ADAM2: variants seen among roughly 807,000 people sequenced by gnomAD.
The protein encoded by ADAM2 is ADAM metallopeptidase domain 2.
ADAM2 carries 101 observed loss-of-function variants against 99.3 expected under a neutral mutation model. That is an observed-to-expected ratio of 1.02 (90% CI 0.87 to 1.20). The LOEUF (loss-of-function observed/expected upper bound fraction) is 1.20. ADAM2 is among the 50% of genes most tolerant of loss of function. The probability of loss-of-function intolerance (pLI) is 0.00; values close to 1 mark genes in which losing one functional copy is unlikely to be tolerated. For synonymous variants in ADAM2, 323 were observed against 287.6 expected, an observed-to-expected ratio of 1.12 and a Z score of -1.25; for missense variants, 948 against 878.7, an observed-to-expected ratio of 1.08 and a Z score of -1.00.
intron 6 of ADAM2, among the ~76,000 whole-genome samples, chr8:39,812,435 C>A (rs563680174): frequency 2.6e-5 from 4 of 152,270 alleles, no homozygotes; most frequent in African/African-American, 9.6e-5. Flanking sequence ...CTTTAAAGTT[C>A]ATATGGAACC....
At chr8:39,823,989 A>T (rs1204045182) in intron 4 of ADAM2, among the ~76,000 whole-genome samples, 1 of 152,222 alleles carries the variant, frequency 6.6e-6, no homozygotes, top group Non-Finnish European at 1.5e-5. Flanking sequence ...AGGTTAAAAA[A>T]CAAAAGAACA....
intron 2 of ADAM2, 45 bp downstream of exon 2, chr8:39,837,091 C>T (rs13255763): frequency 0.25 from 363,130 of 1,466,514 alleles, 46,860 homozygotes; most frequent in Middle Eastern, 0.3. Flanking sequence ...GAAACAAAAT[C>T]TTTACATCAT....
chr8:39,785,886 A>G (rs1252520099), intron 10 of ADAM2, among the ~76,000 whole-genome samples: 2 of 152,128 alleles, frequency 1.3e-5, no homozygotes, highest in Non-Finnish European at 2.9e-5. Context: ...AGCATTATTT[A>G]CAATAACAAA....
At chr8:39,808,848 G>A (rs191325754) in intron 7 of ADAM2, among the ~76,000 whole-genome samples, 14 of 152,206 alleles carry the variant, frequency 9.2e-5, no homozygotes, top group East Asian at 5.8e-4. Flanking sequence ...CCCATGAAGC[G>A]GAGTTTGCAG....
intron 18 of ADAM2, among the ~76,000 whole-genome samples, chr8:39,748,245 A>C (rs1458867172): frequency 6.6e-6 from 1 of 152,216 alleles, no homozygotes; most frequent in Non-Finnish European, 1.5e-5. Context: ...CGAGAGTCCT[A>C]GAATGTTAGT....
rs369360647 is a variant in ADAM2 at position 39,748,489 on chromosome 8, T to A, written c.2014+823A>T. ...TAACATTAAATATAATATTTCCAGA[T>A]ACTGGAATTAATAACTACCTATGAC... On this transcript the variant is annotated intron_variant, in intron 18 of 20. Transcript: ENST00000265708. Among the ~76,000 whole-genome samples, 124 of 152,328 alleles carry A rather than the reference T, an allele frequency of 8.1e-4. 1 individual carries two copies. Among genetic ancestry groups the A allele is most frequent in the African/African-American group, 2.9e-3 (120 of 41,590 alleles).
At position 39,788,157 on chromosome 8, in the gene ADAM2, A is replaced by G. The variant is rs200651169; in HGVS notation, c.737T>C (p.Leu246Ser). The G allele has an allele frequency of 8.4e-5, 133 of 1,588,290 alleles. No homozygotes were observed. The highest frequency in any genetic ancestry group is 8.7e-5 in the Non-Finnish European group (101 of 1,166,394). Reference sequence around the variant, plus strand: ...TTTCCATCTTAAAAATGTGTGTAATAACTCATTAGCTTCTCCAGTGGTTGC... The same window carrying G: ...TTTCCATCTTAAAAATGTGTGTAATGACTCATTAGCTTCTCCAGTGGTTGC... ...KIATTGEANE[L>S]LHTFLRWKTS... is the part of the protein sequence containing the mutation. Residue 246 changes from leucine (L) to serine (S), a missense_variant, in exon 9 of 21, where the codon TTA (leucine) becomes TCA (serine). Coordinates refer to ENST00000265708, the MANE Select transcript of ADAM2 (RefSeq NM_001464.5).
chr8:39,821,552 T>G (rs1805188665), intron 5 of ADAM2, 34 bp downstream of exon 5: 1 of 1,420,348 alleles, frequency 7.0e-7, no homozygotes, highest in African/African-American at 1.4e-5. Context: ...AGTAAATATT[T>G]TATTTTGTAA....
chr8:39,744,269 T>A (rs186514853), intron 20 of ADAM2, among the ~76,000 whole-genome samples: 10 of 152,296 alleles, frequency 6.6e-5, no homozygotes, highest in Admixed American at 5.2e-4. Flanking sequence ...AATTTTTAAG[T>A]GGAAAATTTC....
At chr8:39,807,099 A>G (rs1226490830) in intron 7 of ADAM2, among the ~76,000 whole-genome samples, 1 of 152,196 alleles carries the variant, frequency 6.6e-6, no homozygotes, top group Non-Finnish European at 1.5e-5. Flanking sequence ...CCACCCATGG[A>G]AGTGACACTG....
chr8:39,791,894 T>G (rs1033748518), intron 7 of ADAM2, among the ~76,000 whole-genome samples: 2 of 152,058 alleles, frequency 1.3e-5, no homozygotes, highest in Non-Finnish European at 2.9e-5. Flanking sequence ...TGGGCATGGA[T>G]CAAACACTTA....
intron 7 of ADAM2, among the ~76,000 whole-genome samples, chr8:39,808,333 A>G (rs1359494024): frequency 6.6e-6 from 1 of 152,170 alleles, no homozygotes; most frequent in African/African-American, 2.4e-5. Flanking sequence ...TAATCATATT[A>G]GAAACAAGAT....
intron 7 of ADAM2, among the ~76,000 whole-genome samples, chr8:39,793,157 G>T (rs1803791322): frequency 6.6e-6 from 1 of 152,050 alleles, no homozygotes. Context: ...CGATCATGTT[G>T]TCTTAATGGA....
At chr8:39,757,468 G>A (rs1285187660) in intron 15 of ADAM2, among the ~76,000 whole-genome samples, 1 of 152,074 alleles carries the variant, frequency 6.6e-6, no homozygotes. Context: ...AATAATCCCA[G>A]GACATTATTA....
intron 7 of ADAM2, among the ~76,000 whole-genome samples, chr8:39,801,026 A>G (rs989566157): frequency 2.0e-5 from 3 of 152,092 alleles, no homozygotes; most frequent in Non-Finnish European, 4.4e-5. Context: ...ATTACTCCAT[A>G]TGATCCTCTG....
In ADAM2 at chr8:39,811,171, T is replaced by C. The variant is rs550205605; in HGVS notation, c.514-1705A>G. ...AATACTATAAACACCTCTATGAAAA[T>C]AAACTAGAAAATCTAGAAGAAATGG... On this transcript the variant is annotated intron_variant, in intron 6 of 20. Coordinates refer to ENST00000265708, the MANE Select transcript of ADAM2 (RefSeq NM_001464.5). Among the ~76,000 whole-genome samples the C allele has an allele frequency of 2.0e-5, 3 of 152,130 alleles. No individual in the cohort carries two copies. The South Asian group carries it at 6.2e-4, about 32-fold the overall frequency.
At chr8:39,765,857 T>C (rs1364001589) in intron 14 of ADAM2, among the ~76,000 whole-genome samples, 2 of 152,240 alleles carry the variant, frequency 1.3e-5, no homozygotes, top group Non-Finnish European at 2.9e-5. Context: ...AGAGTTAGAC[T>C]TGCAACTTGT....
intron 18 of ADAM2, among the ~76,000 whole-genome samples, chr8:39,748,754 C>A (rs772720928): frequency 6.6e-6 from 1 of 152,050 alleles, no homozygotes; most frequent in Non-Finnish European, 1.5e-5. Context: ...CTGGAGGATT[C>A]GAAGAGTAAA....
At chr8:39,822,485 T>A (rs1192646057) in intron 4 of ADAM2, among the ~76,000 whole-genome samples, 1 of 146,516 alleles carries the variant, frequency 6.8e-6, no homozygotes, top group Non-Finnish European at 1.5e-5. Context: ...TATTTTTATC[T>A]TTTATTTTTA....
Sources: allele counts gnomAD v4.1 joint callset (sites outside exome capture counted in the v4.1 genomes callset), GRCh38; gene constraint gnomAD v4.1.1; transcripts MANE v1.5; gene names NCBI Gene and HGNC (gene_info 2026-07-23, HGNC 2026-07-21).